FAM13C: variants seen among roughly 807,000 people sequenced by gnomAD.
FAM13C encodes the protein family with sequence similarity 13 member C, also known as protein FAM13C.
In FAM13C, 37 loss-of-function variants were observed where a neutral mutation model predicts 73.2. The observed-to-expected ratio is 0.51, with a 90% CI of 0.39 to 0.67. FAM13C has a LOEUF of 0.67. Ranked by LOEUF, FAM13C falls within the 30% of genes least tolerant of loss-of-function variation. The pLI is 0.00. For synonymous variants in FAM13C, 246 were observed against 260.9 expected (o/e 0.94, Z 0.55); for missense variants, 589 against 715.6 (o/e 0.82, Z 2.02).
chr10:59,353,900 C>G (rs976440098), intron 2 of FAM13C, among the ~76,000 whole-genome samples: 2 of 152,150 alleles, frequency 1.3e-5, no homozygotes, highest in South Asian at 4.1e-4. Context: ...AATATTCTAG[C>G]TGTGAGATCA....
chr10:59,304,802 AGGGAAGGGAAGGAAAG>A (rs1848027718), intron 4 of FAM13C, among the ~76,000 whole-genome samples: 1 of 93,474 alleles, frequency 1.1e-5, no homozygotes, highest in South Asian at 5.5e-4. Flanking sequence ...AGGGAAGGGA[AGGGAAGGGAAGGAAAG>A]GGGAAGGGGA....
intron 6 of FAM13C, chr10:59,282,556 TCCTAGAGATTAAGGA>T (rs1443692627): frequency 6.6e-6 from 1 of 152,138 alleles, no homozygotes; most frequent in African/African-American, 2.4e-5. Context: ...TGCCTTCAAC[TCCTAGAGATTAAGGA>T]CCTTTCATGA....
intron 4 of FAM13C, among the ~76,000 whole-genome samples, chr10:59,307,565 A>G (rs1252235780): frequency 6.6e-6 from 1 of 152,182 alleles, no homozygotes; most frequent in Non-Finnish European, 1.5e-5. Flanking sequence ...TCAGTCAACA[A>G]ATATTTTTTA....
intron 3 of FAM13C, among the ~76,000 whole-genome samples, chr10:59,348,737 C>T (rs185704527): frequency 6.6e-6 from 1 of 152,220 alleles, no homozygotes; most frequent in East Asian, 1.9e-4. Context: ...CTCCCGGGTT[C>T]AAGGAATTCT....
intron 5 of FAM13C, among the ~76,000 whole-genome samples, chr10:59,298,546 C>A (rs1287311962): frequency 2.0e-5 from 3 of 152,008 alleles, no homozygotes; most frequent in Non-Finnish European, 4.4e-5. Flanking sequence ...AAAAGAAGGC[C>A]CATGGTGACC....
chr10:59,297,412 A>C (rs1309215525), intron 5 of FAM13C, among the ~76,000 whole-genome samples: 2 of 152,184 alleles, frequency 1.3e-5, no homozygotes, highest in Non-Finnish European at 2.9e-5. Flanking sequence ...TGAATAGATT[A>C]TCATCCCCTT....
chr10:59,264,820 A>G (rs191610054), intron 8 of FAM13C, among the ~76,000 whole-genome samples: 103 of 152,296 alleles, frequency 6.8e-4, no homozygotes, highest in African/African-American at 2.3e-3. Flanking sequence ...CCCACAGATC[A>G]GTAAAAACTG....
rs117824377 is a variant in FAM13C at position 59,357,273 on chromosome 10, T to G, written c.63-1330A>C. 6.9e-3 allele frequency among the ~76,000 whole-genome samples: 1,049 copies of G among 152,314 alleles called. 5 individuals are homozygous for G. Among genetic ancestry groups the G allele is most frequent in the Non-Finnish European group, 0.011 (769 of 68,024 alleles). Reference sequence around the variant, plus strand: ...GCCAAGTTCCTACTTTAACCTTAATTCATAAACATTTACTCTTCATTCTGA... The same window carrying G: ...GCCAAGTTCCTACTTTAACCTTAATGCATAAACATTTACTCTTCATTCTGA... On this transcript the variant is annotated intron_variant, in intron 1 of 13. Transcript: ENST00000618804.
At chr10:59,290,590 C>T (rs963189309) in intron 5 of FAM13C, among the ~76,000 whole-genome samples, 11 of 152,168 alleles carry the variant, frequency 7.2e-5, no homozygotes, top group African/African-American at 1.7e-4. Flanking sequence ...AGTTGTTTCT[C>T]GGCCAAGATC....
At chr10:59,310,915 T>G (rs1241681684) in intron 4 of FAM13C, among the ~76,000 whole-genome samples, 2 of 152,180 alleles carry the variant, frequency 1.3e-5, no homozygotes, top group African/African-American at 4.8e-5. Flanking sequence ...AGAAGCACTC[T>G]AGGGGATTCC....
chr10:59,338,716 G>A (rs563357827), intron 3 of FAM13C, among the ~76,000 whole-genome samples: 53 of 152,054 alleles, frequency 3.5e-4, no homozygotes, highest in Non-Finnish European at 6.8e-4. Context: ...GTAGTCACTG[G>A]ATCCCAGTCA....
Position 59,352,274 on chromosome 10 carries a change from CTT to C in FAM13C, c.318_319del (p.Gln108GlyfsTer22). ...CTGAGAAGAGAGAGCTGCTACCTGA[CTT>C]TCTCCGTGGCTCCTCCCGCTCTCCG... On this transcript the variant is annotated frameshift_variant, in exon 3 of 14. Coordinates refer to ENST00000618804, the MANE Select transcript of FAM13C (RefSeq NM_198215.4). LOFTEE classifies it high-confidence loss of function. 1 of 1,613,746 alleles carries C rather than the reference CTT, an allele frequency of 6.2e-7. No individual in the cohort carries two copies.
intron 4 of FAM13C, among the ~76,000 whole-genome samples, chr10:59,318,543 G>A (rs1214542137): frequency 2.6e-5 from 4 of 152,128 alleles, no homozygotes; most frequent in African/African-American, 9.7e-5. Flanking sequence ...TTATGTTAGA[G>A]GAGGGGGCCC....
In FAM13C at chr10:59,264,579, A is replaced by G. The variant is rs148172490; in HGVS notation, c.943-413T>C. 9.4e-4 allele frequency among the ~76,000 whole-genome samples: 143 copies of G among 152,274 alleles called. 1 individual carries two copies. The highest frequency in any genetic ancestry group is 1.8e-3 in the Admixed American group (27 of 15,286). ...GCAGATGACTGCACTGATACAAACC[A>G]GTGGTTACTACCTTGCTTGTGGCTC... On this transcript the variant is annotated intron_variant, in intron 8 of 13. Transcript: ENST00000618804.
At chr10:59,325,018 T>A (rs1477118897) in intron 3 of FAM13C, among the ~76,000 whole-genome samples, 1 of 152,162 alleles carries the variant, frequency 6.6e-6, no homozygotes, top group Admixed American at 6.5e-5. Context: ...ATGTCAAACC[T>A]CTAATTGAAA....
At chr10:59,304,160 A>G (rs1847937305) in intron 4 of FAM13C, among the ~76,000 whole-genome samples, 1 of 152,100 alleles carries the variant, frequency 6.6e-6, no homozygotes, top group Non-Finnish European at 1.5e-5. Flanking sequence ...AAAAACAGAA[A>G]AGTGTCTGTT....
intron 10 of FAM13C, among the ~76,000 whole-genome samples, chr10:59,259,059 A>G (rs956667219): frequency 3.3e-5 from 5 of 152,198 alleles, no homozygotes; most frequent in African/African-American, 1.2e-4. Flanking sequence ...TAAAAGACAT[A>G]AATAGGCACT....
chr10:59,304,542 G>C (rs941947577), intron 4 of FAM13C, among the ~76,000 whole-genome samples: 3 of 151,766 alleles, frequency 2.0e-5, no homozygotes, highest in African/African-American at 7.3e-5. Context: ...TAAATGATGA[G>C]AACACATCAA....
At chr10:59,272,678 C>G (rs543030862) in intron 6 of FAM13C, among the ~76,000 whole-genome samples, 1 of 152,310 alleles carries the variant, frequency 6.6e-6, no homozygotes, top group South Asian at 2.1e-4. Flanking sequence ...TGTGCCTATA[C>G]TTTCTGTGGG....
Sources: gnomAD v4.1 joint callset for allele counts (sites outside exome capture counted in the v4.1 genomes callset) on GRCh38, gnomAD v4.1.1 for gene constraint, MANE v1.5 for transcripts, NCBI Gene and HGNC (gene_info 2026-07-23, HGNC 2026-07-21) for gene names.